Variants in CLOCK observed in about 807,000 individuals in gnomAD.
CLOCK encodes the protein circadian locomoter output cycles protein kaput.
Under a neutral mutation model 118.4 loss-of-function variants are expected in CLOCK, and 43 were observed. That is an observed-to-expected ratio of 0.36 (90% CI 0.28 to 0.47). The LOEUF is 0.47. CLOCK is among the 20% of genes least tolerant of loss of function. The pLI, the probability that CLOCK is intolerant of heterozygous loss-of-function variation, is 1.00. For synonymous variants in CLOCK, 326 were observed against 339.2 expected, an observed-to-expected ratio of 0.96 and a Z score of 0.43; for missense variants, 846 against 999.9, an observed-to-expected ratio of 0.85 and a Z score of 2.08.
chr4:55,532,890 A>G (rs1730644815), intron 1 of CLOCK, among the ~76,000 whole-genome samples: 1 of 152,134 alleles, frequency 6.6e-6, no homozygotes, highest in Non-Finnish European at 1.5e-5. Context: ...GTGGATAAAA[A>G]TACTAGGAAT....
At chr4:55,540,989 A>G (rs780116419) in intron 1 of CLOCK, among the ~76,000 whole-genome samples, 11 of 152,244 alleles carry the variant, frequency 7.2e-5, no homozygotes, top group Non-Finnish European at 1.3e-4. Context: ...GCATACTTTA[A>G]AAGACAAAGT....
chr4:55,464,347 T>C (rs974285542), intron 8 of CLOCK, among the ~76,000 whole-genome samples: 6 of 152,260 alleles, frequency 3.9e-5, no homozygotes, highest in African/African-American at 1.2e-4. Context: ...ATTAGAATTC[T>C]TGTTAATACA....
chr4:55,434,751 G>A lies in CLOCK; in HGVS notation c.*664C>T, dbSNP rs984752139. 6.4e-6 allele frequency: 1 copy of A among 155,186 alleles called. No homozygotes were observed. Among genetic ancestry groups the A allele is most frequent in the Non-Finnish European group, 1.4e-5 (1 of 69,662 alleles). 9.6% of individuals were successfully genotyped at this position (155,186 alleles called of 1,614,324 possible). ...AAACAGGATGGATCAGTTTGCACAT[G>A]GTGTCAGAATTTCAGGAAAGGTGCT... On this transcript the variant is annotated 3_prime_UTR_variant, in exon 23 of 23. Transcript: ENST00000513440.
intron 1 of CLOCK, among the ~76,000 whole-genome samples, chr4:55,517,197 T>G (rs1729570053): frequency 6.6e-6 from 1 of 152,152 alleles, no homozygotes; most frequent in Non-Finnish European, 1.5e-5. Flanking sequence ...TAGAATAAAC[T>G]CCATGTGATT....
chr4:55,502,447 G>A (rs1208272586), intron 2 of CLOCK, among the ~76,000 whole-genome samples: 3 of 152,114 alleles, frequency 2.0e-5, no homozygotes, highest in Admixed American at 1.3e-4. Flanking sequence ...ACTGCATTAC[G>A]GTAGGGAAAG....
intron 2 of CLOCK, among the ~76,000 whole-genome samples, chr4:55,495,413 T>C (rs150802321): frequency 1.3e-5 from 2 of 152,294 alleles, no homozygotes; most frequent in Admixed American, 6.5e-5. Context: ...TCATGTGAGA[T>C]AAAATATATT....
At chr4:55,457,491 G>A (rs112824183) in intron 11 of CLOCK, among the ~76,000 whole-genome samples, 2,605 of 151,990 alleles carry the variant, frequency 0.017, 75 homozygotes, top group African/African-American at 0.059. Flanking sequence ...TCTCTTCTAG[G>A]GCCACAATTA....
chr4:55,508,068 A>G lies in CLOCK; in HGVS notation c.-136+1844T>C, dbSNP rs940207093. ...GTAAACACAAAAATTATGGTCTTCTATCTCCTAATATAGTACTTAACCTGC... is the reference window on the plus strand; with the variant it reads ...GTAAACACAAAAATTATGGTCTTCTGTCTCCTAATATAGTACTTAACCTGC... On this transcript the variant is annotated intron_variant, in intron 2 of 22. Coordinates refer to ENST00000513440, the MANE Select transcript of CLOCK (RefSeq NM_004898.4). Among the ~76,000 whole-genome samples, 9 of 152,350 alleles carry G rather than the reference A, an allele frequency of 5.9e-5. No individual in the cohort carries two copies. In the East Asian group the frequency reaches 1.3e-3, roughly 23 times the overall value.
intron 2 of CLOCK, among the ~76,000 whole-genome samples, chr4:55,501,317 GTTT>G (rs922327769): frequency 9.1e-5 from 13 of 143,236 alleles, no homozygotes; most frequent in African/African-American, 2.9e-4. Context: ...GTATATGAGG[GTTT>G]TTTAAAACAA....
intron 11 of CLOCK, among the ~76,000 whole-genome samples, chr4:55,457,288 C>CT (rs1329781076): frequency 7.2e-5 from 11 of 152,214 alleles, no homozygotes; most frequent in Non-Finnish European, 1.3e-4. Flanking sequence ...GTCTAGAAAT[C>CT]TGATAGTTAA....
At position 55,470,790 on chromosome 4, in the gene CLOCK, A is replaced by T; in HGVS notation, c.365T>A (p.Phe122Tyr). 1 of 1,611,210 alleles carries T rather than the reference A, an allele frequency of 6.2e-7. No individual in the cohort carries two copies. The highest frequency in any genetic ancestry group is 8.5e-7 in the Non-Finnish European group (1 of 1,178,126). Residue 122 changes from phenylalanine to tyrosine, a missense_variant, in exon 8 of 23, where the codon TTT becomes TAT. Coordinates refer to ENST00000513440, the MANE Select transcript of CLOCK (RefSeq NM_004898.4). ...QLMLEALDGFFLAIMTDGSII... is the reference protein window; with the variant it reads ...QLMLEALDGFYLAIMTDGSII... ...GCTTCCATCTGTCATGATTGCTAAA[A>T]AAAAACCATCAAGAGCCTGAAATTA... is the stretch of plus-strand genomic sequence containing the variant.
chr4:55,473,444 C>CT (rs1402604607), intron 7 of CLOCK, among the ~76,000 whole-genome samples: 5 of 152,222 alleles, frequency 3.3e-5, no homozygotes, highest in East Asian at 3.9e-4. Flanking sequence ...TATTTATACT[C>CT]TAACAAATTT....
At position 55,431,143 on chromosome 4, in the gene CLOCK, G is replaced by A. The variant is rs1722474428; in HGVS notation, c.*4272C>T. 1 of 152,122 alleles carries A rather than the reference G, an allele frequency of 6.6e-6. No individual in the cohort carries two copies. Among genetic ancestry groups the A allele is most frequent in the South Asian group, 2.1e-4 (1 of 4,826 alleles). 9.4% of individuals were successfully genotyped at this position (152,122 alleles called of 1,614,324 possible). A position where few individuals can be genotyped will look rare whatever the true frequency, so the allele number is the denominator to read the frequency against. ...TTTCAAAATGATGCTTTTAGACTGT[G>A]GTATGTTGTTTTAAAAGTGTGTGCT... On this transcript the variant is annotated 3_prime_UTR_variant, in exon 23 of 23. Transcript: ENST00000513440.
At chr4:55,487,120 T>C (rs1470195027) in intron 3 of CLOCK, among the ~76,000 whole-genome samples, 2 of 152,218 alleles carry the variant, frequency 1.3e-5, no homozygotes, top group Admixed American at 1.3e-4. Context: ...TCTTACTGTT[T>C]CTCGTTCATA....
At chr4:55,490,482 C>G (rs1447035203) in intron 2 of CLOCK, among the ~76,000 whole-genome samples, 1 of 152,050 alleles carries the variant, frequency 6.6e-6, no homozygotes, top group Non-Finnish European at 1.5e-5. Context: ...AGAAGGAAAG[C>G]ATAGATTTAA....
chr4:55,514,596 G>GT (rs1246870904), intron 1 of CLOCK, among the ~76,000 whole-genome samples: 25 of 149,784 alleles, frequency 1.7e-4, no homozygotes, highest in South Asian at 4.3e-4. Flanking sequence ...CAGTTACAGA[G>GT]TTTTTTTTTA....
At chr4:55,451,198 C>T (rs1724417434) in intron 15 of CLOCK, among the ~76,000 whole-genome samples, 1 of 152,102 alleles carries the variant, frequency 6.6e-6, no homozygotes, top group Non-Finnish European at 1.5e-5. Flanking sequence ...ATGCTTTCAC[C>T]CACACTGCTA....
In CLOCK at chr4:55,438,661, C is replaced by G. The variant is rs75270029; in HGVS notation, c.2106-124G>C. On this transcript the variant is annotated intron_variant, in intron 21 of 22. Transcript: ENST00000513440. ...ACATTGCCAGTTTGTTTTTCAAGGTCTGTATATTCCTACTTTGTTTCATTT... is the reference window on the plus strand; with the variant it reads ...ACATTGCCAGTTTGTTTTTCAAGGTGTGTATATTCCTACTTTGTTTCATTT... 1.4e-4 allele frequency: 185 copies of G among 1,362,528 alleles called. 2 individuals carry two copies. The East Asian group carries it at 4.3e-3, about 32-fold the overall frequency. The allele number at this position is 1,362,528 out of a possible 1,614,324, so 84.4% of individuals were successfully genotyped here. A position where few individuals can be genotyped will look rare whatever the true frequency, so the allele number is the denominator to read the frequency against.
At chr4:55,530,469 G>A (rs1408959328) in intron 1 of CLOCK, among the ~76,000 whole-genome samples, 2 of 152,050 alleles carry the variant, frequency 1.3e-5, no homozygotes, top group Non-Finnish European at 2.9e-5. Context: ...TCTGTATACT[G>A]GAGTTAATTT....
Sources: gnomAD v4.1 joint callset for allele counts (sites outside exome capture counted in the v4.1 genomes callset) on GRCh38, gnomAD v4.1.1 for gene constraint, MANE v1.5 for transcripts, NCBI Gene and HGNC (gene_info 2026-07-23, HGNC 2026-07-21) for gene names.